ADSS1: variants seen among roughly 807,000 people sequenced by gnomAD.
The protein encoded by ADSS1 is adenylosuccinate synthase 1.
ADSS1 carries 57 observed loss-of-function variants against 59.1 expected under a neutral mutation model. The ratio of observed to expected loss-of-function variants is 0.97; its 90% CI spans 0.78 to 1.20. ADSS1 has a LOEUF of 1.20. Among genes scored for constraint, ADSS1 ranks in the 50% most tolerant of loss-of-function variants. The pLI is 0.00. For missense variants in ADSS1, 603 were observed against 610.3 expected (o/e 0.99, Z 0.13); for synonymous variants, 247 against 249.4 (o/e 0.99, Z 0.09).
intron 4 of ADSS1, 79 bp downstream of exon 4, chr14:104,739,457 C>G: frequency 2.7e-5 from 40 of 1,486,246 alleles, no homozygotes; most frequent in Non-Finnish European, 3.6e-5. Flanking sequence ...TACATGGCCA[C>G]CGAGATCAGG....
At chr14:104,736,287 G>A (rs1017745781) in intron 2 of ADSS1, among the ~76,000 whole-genome samples, 1 of 152,222 alleles carries the variant, frequency 6.6e-6, no homozygotes, top group East Asian at 1.9e-4. Context: ...GGCAGACTGG[G>A]CAGTAGCGCT....
intron 1 of ADSS1, among the ~76,000 whole-genome samples, chr14:104,732,241 C>T (rs1421520513): frequency 1.3e-5 from 2 of 152,206 alleles, no homozygotes; most frequent in Non-Finnish European, 2.9e-5. Context: ...CTGACGGTAC[C>T]AGTTTTCCTT....
chr14:104,741,442 C>T (rs1198002746), intron 8 of ADSS1, among the ~76,000 whole-genome samples, 199 bp downstream of exon 8: 1 of 152,158 alleles, frequency 6.6e-6, no homozygotes, highest in Non-Finnish European at 1.5e-5. Context: ...GGAGAAAGGG[C>T]TGGGCTAGAG....
intron 2 of ADSS1, among the ~76,000 whole-genome samples, chr14:104,736,061 A>ATATC (rs1245541143): frequency 1.3e-5 from 2 of 152,150 alleles, no homozygotes; most frequent in Admixed American, 6.5e-5. Flanking sequence ...GAGCAGAGGG[A>ATATC]GGAAGATAGC....
At chr14:104,731,774 GAC>G (rs1264245188) in intron 1 of ADSS1, among the ~76,000 whole-genome samples, 3 of 152,380 alleles carry the variant, frequency 2.0e-5, no homozygotes, top group Non-Finnish European at 2.9e-5. Context: ...AGGCAGGAAA[GAC>G]AGAGTGAGTG....
At chr14:104,733,376 T>TA (rs1891001019) in intron 1 of ADSS1, among the ~76,000 whole-genome samples, 1 of 152,070 alleles carries the variant, frequency 6.6e-6, no homozygotes, top group African/African-American at 2.4e-5. Context: ...TGTGTGAAGT[T>TA]ACGTCCCAGG....
At chr14:104,745,114 C>A in intron 11 of ADSS1, 5 of 546,584 alleles carry the variant, frequency 9.1e-6, no homozygotes, top group Middle Eastern at 5.1e-4. Flanking sequence ...CCTGGCTGGG[C>A]AGGGGTGGCT....
chr14:104,729,812 G>A (rs1890845676), intron 1 of ADSS1: 5 of 446,580 alleles, frequency 1.1e-5, no homozygotes, highest in Non-Finnish European at 1.1e-5. Flanking sequence ...GCGTGGCGTC[G>A]GCGTCGTGGG....
intron 2 of ADSS1, among the ~76,000 whole-genome samples, chr14:104,735,404 TCCCTGATCCCTCAC>T (rs1426859952): frequency 1.3e-5 from 2 of 152,190 alleles, no homozygotes; most frequent in African/African-American, 4.8e-5. Flanking sequence ...TGATCCCTGA[TCCCTGATCCCTCAC>T]ATGCACATAC....
intron 1 of ADSS1, 90 bp downstream of exon 1, chr14:104,724,552 C>T: frequency 8.1e-7 from 1 of 1,227,618 alleles, no homozygotes. Context: ...ATGCCCTGGC[C>T]GGTCACTCAC....
intron 1 of ADSS1, among the ~76,000 whole-genome samples, chr14:104,730,581 G>T (rs565854584): frequency 6.6e-6 from 1 of 152,166 alleles, no homozygotes; most frequent in South Asian, 2.1e-4. Context: ...TATGGAGAGA[G>T]GTGTAGAGAG....
intron 1 of ADSS1, among the ~76,000 whole-genome samples, chr14:104,730,958 T>G (rs867685138): frequency 1.5e-3 from 49 of 32,062 alleles, no homozygotes; most frequent in Middle Eastern, 0.019. Context: ...AGGCAGAGAG[T>G]GGGGGGGGGG....
Position 104,724,482 on chromosome 14 carries a change from G to A in ADSS1, c.192+20G>A, listed in dbSNP as rs1241514603. Reference sequence around the variant, plus strand: ...TGCCAGGTGCGGGCTGGGGCGCCGGGTCCCTCCCCCACCGCCCAGCGAGCC... The same window carrying A: ...TGCCAGGTGCGGGCTGGGGCGCCGGATCCCTCCCCCACCGCCCAGCGAGCC... On this transcript the variant is annotated intron_variant, in intron 1 of 12. Transcript: ENST00000330877. 3 of 1,236,772 alleles carry A rather than the reference G, an allele frequency of 2.4e-6. No homozygotes were observed. The highest frequency in any genetic ancestry group is 3.1e-5 in the African/African-American group (2 of 64,354). 76.6% of individuals were successfully genotyped at this position (1,236,772 alleles called of 1,614,324 possible). A position where few individuals can be genotyped will look rare whatever the true frequency, so the allele number is the denominator to read the frequency against.
chr14:104,735,200 C>A, intron 2 of ADSS1, 78 bp downstream of exon 2: 1 of 1,330,900 alleles, frequency 7.5e-7, no homozygotes, highest in Non-Finnish European at 1.1e-6. Flanking sequence ...CATGGGGGCA[C>A]GGGGCACCAG....
chr14:104,746,828 A>G, intron 12 of ADSS1, 123 bp from the exon 13 acceptor site: 1 of 1,011,246 alleles, frequency 9.9e-7, no homozygotes. Context: ...AACTGCCTCC[A>G]TTTGGAGAGA....
intron 1 of ADSS1, among the ~76,000 whole-genome samples, chr14:104,726,281 C>A (rs1295684695): frequency 6.6e-6 from 1 of 152,236 alleles, no homozygotes; most frequent in African/African-American, 2.4e-5. Context: ...AGGAATGAGT[C>A]ACTGCCACAT....
At chr14:104,741,764 C>T in intron 8 of ADSS1, 84 bp from the exon 9 acceptor site, 1 of 1,555,830 alleles carries the variant, frequency 6.4e-7, no homozygotes, top group Non-Finnish European at 8.7e-7. Flanking sequence ...TGCCCACTGC[C>T]CTTTACTGAG....
At chr14:104,730,335 C>G (rs1890876998) in intron 1 of ADSS1, 7 of 1,131,474 alleles carry the variant, frequency 6.2e-6, no homozygotes, top group Non-Finnish European at 8.4e-6. Context: ...ACTAAAAATA[C>G]AAAAATTATC....
At chr14:104,737,868 C>G (rs1286832831) in intron 2 of ADSS1, 1 of 153,618 alleles carries the variant, frequency 6.5e-6, no homozygotes, top group Non-Finnish European at 1.4e-5. Flanking sequence ...GCTGAATACT[C>G]TTCCATCGTA....
Sources: allele counts gnomAD v4.1 joint callset (sites outside exome capture counted in the v4.1 genomes callset), GRCh38; gene constraint gnomAD v4.1.1; transcripts MANE v1.5; gene names NCBI Gene and HGNC (gene_info 2026-07-23, HGNC 2026-07-21).